Variants in NRG3 observed in about 807,000 individuals in gnomAD.
NRG3 encodes the protein neuregulin 3, also known as pro-neuregulin-3, membrane-bound isoform.
A neutral mutation model predicts 66.9 loss-of-function variants in NRG3; 31 were observed. The ratio of observed to expected loss-of-function variants is 0.46; its 90% CI spans 0.35 to 0.63. The LOEUF is 0.63. Among genes scored for constraint, NRG3 ranks in the 20% least tolerant of loss-of-function variants. The pLI, the probability that NRG3 is intolerant of heterozygous loss-of-function variation, is 0.00. For missense variants in NRG3, 910 were observed against 878.9 expected (o/e 1.04, Z -0.45); for synonymous variants, 393 against 359.4 (o/e 1.09, Z -1.06).
chr10:82,865,306 G>A, intron 3 of NRG3, 105 bp from the exon 4 acceptor site: 1 of 1,132,258 alleles, frequency 8.8e-7, no homozygotes, highest in Non-Finnish European at 1.3e-6. Flanking sequence ...GCTGTGCCTT[G>A]CCTTGGAGGG....
chr10:82,463,703 A>G (rs1040410773), intron 2 of NRG3, among the ~76,000 whole-genome samples: 1 of 152,220 alleles, frequency 6.6e-6, no homozygotes, highest in Non-Finnish European at 1.5e-5. Context: ...AAAGTCATGC[A>G]GCTACCACAT....
chr10:82,664,315 A>G (rs2133984564), intron 2 of NRG3, among the ~76,000 whole-genome samples: 1 of 152,270 alleles, frequency 6.6e-6, no homozygotes, highest in South Asian at 2.1e-4. Context: ...TCTCTTTAGT[A>G]CTAGCTGATT....
At chr10:82,407,807 A>T (rs1240083028) in intron 2 of NRG3, among the ~76,000 whole-genome samples, 1 of 152,112 alleles carries the variant, frequency 6.6e-6, no homozygotes, top group African/African-American at 2.4e-5. Context: ...GTGGTGGCTC[A>T]TGCCTATAAT....
intron 1 of NRG3, among the ~76,000 whole-genome samples, chr10:81,938,639 GTGCATGCA>G (rs1012552152): frequency 6.6e-6 from 1 of 151,672 alleles, no homozygotes. Flanking sequence ...GTGTGTGTGT[GTGCATGCA>G]TGCATGCATG....
chr10:82,957,788 T>C (rs1850204190), intron 5 of NRG3, among the ~76,000 whole-genome samples: 1 of 152,174 alleles, frequency 6.6e-6, no homozygotes. Flanking sequence ...TAAAACATAG[T>C]TTCCTATATC....
intron 2 of NRG3, among the ~76,000 whole-genome samples, chr10:82,401,230 G>A (rs1003047576): frequency 5.3e-5 from 8 of 151,948 alleles, no homozygotes; most frequent in African/African-American, 1.9e-4. Flanking sequence ...ATGTATATGT[G>A]CATGTATTTA....
chr10:82,181,078 C>A (rs1484173209), intron 1 of NRG3, among the ~76,000 whole-genome samples: 5 of 151,534 alleles, frequency 3.3e-5, no homozygotes, highest in Non-Finnish European at 3.0e-5. Flanking sequence ...TTTATTATAA[C>A]CCTTTATATT....
chr10:82,443,392 G>T (rs1043177744), intron 2 of NRG3, among the ~76,000 whole-genome samples: 6 of 152,150 alleles, frequency 3.9e-5, no homozygotes, highest in Non-Finnish European at 7.3e-5. Context: ...TTTCTTTCAA[G>T]CACTTCATAG....
At chr10:82,681,884 A>T (rs1186031830) in intron 2 of NRG3, among the ~76,000 whole-genome samples, 1 of 152,212 alleles carries the variant, frequency 6.6e-6, no homozygotes, top group Non-Finnish European at 1.5e-5. Flanking sequence ...CTAATACACC[A>T]GTGCTTGGTA....
intron 1 of NRG3, among the ~76,000 whole-genome samples, chr10:82,323,091 T>G (rs1272327323): frequency 6.6e-6 from 1 of 152,206 alleles, no homozygotes. Flanking sequence ...GTGGGAAGTA[T>G]TTCCTGGATG....
intron 4 of NRG3, among the ~76,000 whole-genome samples, chr10:82,887,319 T>A (rs960406143): frequency 6.6e-6 from 1 of 152,180 alleles, no homozygotes; most frequent in Non-Finnish European, 1.5e-5. Flanking sequence ...GATGCTCCTC[T>A]TACCTAGATG....
At chr10:82,048,914 G>T (rs967503016) in intron 1 of NRG3, among the ~76,000 whole-genome samples, 2 of 151,738 alleles carry the variant, frequency 1.3e-5, no homozygotes, top group African/African-American at 2.4e-5. Context: ...ATGATAAAGG[G>T]GATATCACCA....
chr10:82,920,697 T>A (rs1846341555), intron 4 of NRG3, among the ~76,000 whole-genome samples: 1 of 152,038 alleles, frequency 6.6e-6, no homozygotes, highest in South Asian at 2.1e-4. Context: ...TGGAGCAGCT[T>A]GCCAGGAAAT....
chr10:82,431,546 T>A (rs1299589468), intron 2 of NRG3, among the ~76,000 whole-genome samples: 1 of 152,188 alleles, frequency 6.6e-6, no homozygotes, highest in Non-Finnish European at 1.5e-5. Flanking sequence ...TATTTGTCAG[T>A]GTTCTAATTT....
intron 1 of NRG3, among the ~76,000 whole-genome samples, chr10:82,020,985 A>G (rs1246514288): frequency 6.6e-6 from 1 of 152,066 alleles, no homozygotes; most frequent in Non-Finnish European, 1.5e-5. Flanking sequence ...AGGCTCCTGA[A>G]GAAATTCCGG....
intron 1 of NRG3, among the ~76,000 whole-genome samples, chr10:81,930,877 A>G (rs114377338): frequency 2.6e-5 from 4 of 152,308 alleles, no homozygotes; most frequent in South Asian, 4.1e-4. Context: ...AGATTCATCT[A>G]TAAGTTGCTG....
At chr10:82,526,192 A>C (rs1384780023) in intron 2 of NRG3, among the ~76,000 whole-genome samples, 1 of 151,900 alleles carries the variant, frequency 6.6e-6, no homozygotes. Context: ...AGGAATATAA[A>C]TAGGTAAATT....
intron 1 of NRG3, among the ~76,000 whole-genome samples, chr10:81,967,859 T>C (rs2059790391): frequency 6.6e-6 from 1 of 152,288 alleles, no homozygotes; most frequent in East Asian, 1.9e-4. Flanking sequence ...ATGCTTAAAT[T>C]TCCAATCAGA....
At position 82,051,661 on chromosome 10, in the gene NRG3, A is replaced by G. The variant is rs531966243; in HGVS notation, c.823+175498A>G. On this transcript the variant is annotated intron_variant, in intron 1 of 8. Coordinates refer to ENST00000372141, the MANE Select transcript of NRG3 (RefSeq NM_001010848.4). Reference sequence around the variant, plus strand: ...GTAGTTCATTTTAACCACCTTGTGTATGAAGGATGAAAAATGAGTGATCTA... The same window carrying G: ...GTAGTTCATTTTAACCACCTTGTGTGTGAAGGATGAAAAATGAGTGATCTA... Among the ~76,000 whole-genome samples, 3 of 152,334 alleles carry G rather than the reference A, an allele frequency of 2.0e-5. No individual in the cohort carries two copies. In the South Asian group the frequency reaches 6.2e-4, roughly 32 times the overall value.
Sources: gnomAD v4.1 joint callset for allele counts (sites outside exome capture counted in the v4.1 genomes callset) on GRCh38, gnomAD v4.1.1 for gene constraint, MANE v1.5 for transcripts, NCBI Gene and HGNC (gene_info 2026-07-23, HGNC 2026-07-21) for gene names.